Variants in SAMD3 observed in about 807,000 individuals in gnomAD.
The protein encoded by SAMD3 is sterile alpha motif domain containing 3.
Under a neutral mutation model 58.5 loss-of-function variants are expected in SAMD3, and 63 were observed. That is an observed-to-expected ratio of 1.08 (90% confidence interval 0.88 to 1.33). The LOEUF is 1.33. Ranked by LOEUF, SAMD3 falls within the 40% of genes most tolerant of loss-of-function variation. The probability of loss-of-function intolerance (pLI) is 0.00; values close to 1 mark genes in which losing one functional copy is unlikely to be tolerated. For missense variants in SAMD3, 604 were observed against 608.4 expected (o/e 0.99, Z 0.08); for synonymous variants, 220 against 210.3 (o/e 1.05, Z -0.40).
intron 1 of SAMD3, among the ~76,000 whole-genome samples, chr6:130,317,601 T>C (rs565071704): frequency 6.6e-6 from 1 of 152,334 alleles, no homozygotes; most frequent in South Asian, 2.1e-4. Flanking sequence ...TTTTTGTAGA[T>C]AGATAAATGG....
chr6:130,252,033 C>A (rs1302358283), intron 2 of SAMD3, among the ~76,000 whole-genome samples: 3 of 151,714 alleles, frequency 2.0e-5, no homozygotes, highest in Non-Finnish European at 4.4e-5. Context: ...TTGTCTTCTT[C>A]TCTCTTCAGT....
chr6:130,178,396 C>A (rs528673535), intron 7 of SAMD3, among the ~76,000 whole-genome samples: 335 of 147,390 alleles, frequency 2.3e-3, no homozygotes, highest in Middle Eastern at 3.5e-3. Context: ...AAAAAAAAAA[C>A]CCCTGCAGGC....
At chr6:130,210,687 A>C (rs559572419) in intron 4 of SAMD3, among the ~76,000 whole-genome samples, 6 of 152,212 alleles carry the variant, frequency 3.9e-5, no homozygotes, top group African/African-American at 1.4e-4. Flanking sequence ...AGCTAAAGGC[A>C]TTCCAAAATT....
At chr6:130,318,119 G>T (rs1223456266) in intron 1 of SAMD3, among the ~76,000 whole-genome samples, 2 of 152,150 alleles carry the variant, frequency 1.3e-5, no homozygotes, top group Admixed American at 1.3e-4. Context: ...GAAATCCTTG[G>T]AGCTCACATG....
intron 1 of SAMD3, among the ~76,000 whole-genome samples, chr6:130,336,980 G>T (rs1777119825): frequency 6.6e-6 from 1 of 152,232 alleles, no homozygotes; most frequent in Non-Finnish European, 1.5e-5. Flanking sequence ...CACCAGCAAA[G>T]ATTGTAAGAC....
At chr6:130,146,284 T>C (rs1301523668) in intron 9 of SAMD3, 103 bp from the exon 10 acceptor site, 4 of 582,848 alleles carry the variant, frequency 6.9e-6, no homozygotes, top group East Asian at 6.3e-5. Flanking sequence ...AATGCTGGTT[T>C]ACACTAAGTA....
At chr6:130,255,370 A>C (rs568462772) in intron 2 of SAMD3, among the ~76,000 whole-genome samples, 45 of 152,262 alleles carry the variant, frequency 3.0e-4, no homozygotes, top group South Asian at 8.3e-4. Flanking sequence ...TATCTGGATG[A>C]TCTGCTCATT....
intron 8 of SAMD3, among the ~76,000 whole-genome samples, chr6:130,157,704 C>G (rs1789919449): frequency 6.6e-6 from 1 of 152,132 alleles, no homozygotes; most frequent in Admixed American, 6.6e-5. Flanking sequence ...TTATTAAACT[C>G]TTACTCAGCC....
At chr6:130,151,063 C>T (rs1789123570) in intron 9 of SAMD3, among the ~76,000 whole-genome samples, 1 of 152,048 alleles carries the variant, frequency 6.6e-6, no homozygotes, top group Non-Finnish European at 1.5e-5. Flanking sequence ...GCCAAGGATC[C>T]CCAGGGGATC....
chr6:130,218,049 T>C (rs577558939), intron 1 of SAMD3, among the ~76,000 whole-genome samples: 65 of 152,362 alleles, frequency 4.3e-4, no homozygotes, highest in African/African-American at 1.4e-3. Flanking sequence ...GCAGCCTCGC[T>C]ACCATGGGAG....
chr6:130,289,847 T>C (rs111938849), intron 2 of SAMD3, among the ~76,000 whole-genome samples: 1,607 of 152,328 alleles, frequency 0.011, 31 homozygotes, highest in African/African-American at 0.037. Flanking sequence ...AGGTAGGTGA[T>C]GGCAAACTCA....
chr6:130,232,364 C>T (rs1455019387), intron 2 of SAMD3, among the ~76,000 whole-genome samples: 3 of 152,096 alleles, frequency 2.0e-5, no homozygotes, highest in African/African-American at 4.8e-5. Flanking sequence ...GTTCAGTTAC[C>T]GTCAGTGTTA....
intron 2 of SAMD3, among the ~76,000 whole-genome samples, chr6:130,289,109 C>A (rs145603370): frequency 8.1e-4 from 124 of 152,250 alleles, no homozygotes; most frequent in African/African-American, 2.4e-3. Flanking sequence ...GGGTGGTGCA[C>A]AGGAGACATG....
intron 5 of SAMD3, among the ~76,000 whole-genome samples, chr6:130,204,454 A>G (rs906781064): frequency 1.3e-5 from 2 of 152,084 alleles, no homozygotes; most frequent in Non-Finnish European, 2.9e-5. Flanking sequence ...AAAAAATACA[A>G]AAATTAGCAG....
At chr6:130,274,792 G>T (rs1774716267) in intron 2 of SAMD3, among the ~76,000 whole-genome samples, 1 of 150,736 alleles carries the variant, frequency 6.6e-6, no homozygotes, top group Non-Finnish European at 1.5e-5. Context: ...GGGGACAAGG[G>T]CTGTGATTTC....
chr6:130,211,697 C>T (rs1035133185), intron 4 of SAMD3, among the ~76,000 whole-genome samples: 3 of 152,020 alleles, frequency 2.0e-5, no homozygotes, highest in African/African-American at 7.3e-5. Flanking sequence ...TCTTATGTCT[C>T]CGTAAAATGT....
intron 1 of SAMD3, among the ~76,000 whole-genome samples, chr6:130,331,633 C>T (rs942953008): frequency 2.0e-5 from 3 of 152,134 alleles, no homozygotes; most frequent in South Asian, 2.1e-4. Context: ...GCTGGAGAGT[C>T]GCTTGAACCC....
At chr6:130,162,473 A>C (rs1391788194) in intron 8 of SAMD3, among the ~76,000 whole-genome samples, 1 of 152,162 alleles carries the variant, frequency 6.6e-6, no homozygotes, top group Non-Finnish European at 1.5e-5. Flanking sequence ...GTTTACAAAG[A>C]GAGTATCTTG....
At chr6:130,339,507 C>T (rs1228757156) in intron 1 of SAMD3, among the ~76,000 whole-genome samples, 1 of 152,162 alleles carries the variant, frequency 6.6e-6, no homozygotes, top group African/African-American at 2.4e-5. Context: ...ACAGTTCTTC[C>T]TTCACATACT....
Sources: gnomAD v4.1 joint callset for allele counts (sites outside exome capture counted in the v4.1 genomes callset) on GRCh38, gnomAD v4.1.1 for gene constraint, MANE v1.5 for transcripts, NCBI Gene and HGNC (gene_info 2026-07-23, HGNC 2026-07-21) for gene names.